The following SHROOM4 variants were observed in gnomAD, a reference collection of about 807,000 sequenced individuals.
SHROOM4 encodes shroom family member 4.
SHROOM4 carries 17 observed loss-of-function variants against 80.3 expected under a neutral mutation model. That is an observed-to-expected ratio of 0.21 (90% CI 0.14 to 0.32). The LOEUF (loss-of-function observed/expected upper bound fraction) is 0.32. SHROOM4 is among the 10% of genes least tolerant of loss of function. The pLI is 1.00. For synonymous variants in SHROOM4, 400 were observed against 437.5 expected, an observed-to-expected ratio of 0.91 and a Z score of 1.07; for missense variants, 993 against 1,140.3, an observed-to-expected ratio of 0.87 and a Z score of 1.86.
intron 1 of SHROOM4, among the ~76,000 whole-genome samples, chrX:50,813,182 G>A (rs1226337138): frequency 2.7e-5 from 3 of 109,833 alleles, no homozygotes; most frequent in African/African-American, 9.9e-5. Flanking sequence ...CGGCGGCGGC[G>A]GCGGCAGCGG....
At chrX:50,750,508 C>T (rs782286085) in intron 1 of SHROOM4, among the ~76,000 whole-genome samples, 3 of 112,035 alleles carry the variant, frequency 2.7e-5, no homozygotes, top group South Asian at 3.7e-4. Flanking sequence ...GTGATCCACT[C>T]GCCTCGGCCT....
At chrX:50,681,002 A>G (rs1465663616) in intron 2 of SHROOM4, among the ~76,000 whole-genome samples, 2 of 111,026 alleles carry the variant, frequency 1.8e-5, no homozygotes, top group Non-Finnish European at 3.8e-5. Flanking sequence ...GTCCTTGCCT[A>G]CCCATTCCCT....
chrX:50,577,080 T>C, the SHROOM4 span, among the ~76,000 whole-genome samples: 1 of 112,491 alleles, frequency 8.9e-6, no homozygotes, highest in African/African-American at 3.2e-5. Flanking sequence ...ATTTTTTTCA[T>C]GCTTCAAGAA....
chrX:50,723,273 C>G, intron 1 of SHROOM4, among the ~76,000 whole-genome samples: 2 of 87,966 alleles, frequency 2.3e-5, no homozygotes, highest in Middle Eastern at 0.011. Context: ...TACACATGAG[C>G]AGGTTTCTCA....
At chrX:50,615,234 A>T (rs1557250603) in intron 5 of SHROOM4, among the ~76,000 whole-genome samples, 2 of 111,411 alleles carry the variant, frequency 1.8e-5, no homozygotes, top group Non-Finnish European at 3.8e-5. Context: ...TGAAGCCTAC[A>T]TTATTCATAA....
intron 1 of SHROOM4, among the ~76,000 whole-genome samples, chrX:50,763,966 G>A (rs936835003): frequency 2.7e-5 from 3 of 111,383 alleles, no homozygotes; most frequent in Non-Finnish European, 5.6e-5. Flanking sequence ...CATTTAATTC[G>A]TTGCTTCTAG....
intron 1 of SHROOM4, among the ~76,000 whole-genome samples, chrX:50,702,489 G>A (rs6521871): frequency 0.043 from 4,830 of 111,318 alleles, 279 homozygotes; most frequent in African/African-American, 0.15. Context: ...TCAAAAAAAA[G>A]CAATATATGT....
At chrX:50,709,976 A>G (rs1443709496) in intron 1 of SHROOM4, among the ~76,000 whole-genome samples, 1 of 112,004 alleles carries the variant, frequency 8.9e-6, no homozygotes, top group Non-Finnish European at 1.9e-5. Context: ...AAATCTCTGA[A>G]TTAGAAGTCC....
chrX:50,674,689 A>G lies in SHROOM4; in HGVS notation c.269+21097T>C, dbSNP rs189141059. On this transcript the variant is annotated intron_variant, in intron 2 of 8. Transcript: ENST00000376020. ...CTAGGACATTGAAAATAGTTTTTAGACTTGACACCAAAAGTATATATTAAT... is the reference window on the plus strand; with the variant it reads ...CTAGGACATTGAAAATAGTTTTTAGGCTTGACACCAAAAGTATATATTAAT... Among the ~76,000 whole-genome samples, 55 of 111,810 alleles carry G rather than the reference A, an allele frequency of 4.9e-4. 1 individual carries two copies. The Admixed American group carries it at 5.2e-3, about 11-fold the overall frequency.
At chrX:50,661,726 A>C (rs1932518713) in intron 2 of SHROOM4, among the ~76,000 whole-genome samples, 1 of 111,534 alleles carries the variant, frequency 9.0e-6, no homozygotes, top group African/African-American at 3.3e-5. Context: ...TTTTATTCAG[A>C]CCTTTCCTGA....
At chrX:50,762,222 C>A (rs995166093) in intron 1 of SHROOM4, among the ~76,000 whole-genome samples, 7 of 111,886 alleles carry the variant, frequency 6.3e-5, no homozygotes, top group Non-Finnish European at 1.1e-4. Flanking sequence ...TGTTGAGCTT[C>A]TTATTTATGA....
rs150650313 is a variant in SHROOM4, at chrX:50,592,585, C to T, written c.*4110G>A. 0.032 allele frequency: 3,909 copies of T among 123,785 alleles called. 158 individuals carry two copies. The highest frequency in any genetic ancestry group is 0.11 in the African/African-American group (3,480 of 30,609). 10.2% of individuals were successfully genotyped at this position (123,785 alleles called of 1,213,427 possible). On this transcript the variant is annotated 3_prime_UTR_variant, in exon 9 of 9. Transcript: ENST00000376020. ...TGGAATGTGAACAGAATATGGATCA[C>T]GAAAAAAGAAAGCTTTTCAATGTCA...
chrX:50,594,757 GTA>G lies in SHROOM4; in HGVS notation c.*1936_*1937del, dbSNP rs1929025062. ...ACCTTCTCAATCTTGGCTGGCTTGT[GTA>G]AGCCTAGCCCCTGCAAGCCACCAGC... On this transcript the variant is annotated 3_prime_UTR_variant, in exon 9 of 9. Coordinates refer to ENST00000376020, the MANE Select transcript of SHROOM4 (RefSeq NM_020717.5). 9.0e-6 allele frequency: 1 copy of G among 111,672 alleles called. No homozygotes were observed. Among genetic ancestry groups the G allele is most frequent in the Non-Finnish European group, 1.9e-5 (1 of 53,137 alleles). The allele number at this position is 111,672 out of a possible 1,213,427, so 9.2% of individuals were successfully genotyped here.
chrX:50,597,702 C>T (rs1274866797), intron 8 of SHROOM4, among the ~76,000 whole-genome samples: 1 of 111,950 alleles, frequency 8.9e-6, no homozygotes, highest in African/African-American at 3.2e-5. Flanking sequence ...GTAGTATGCT[C>T]ACCTCATTTT....
chrX:50,631,042 A>G (rs1931036586), intron 4 of SHROOM4, among the ~76,000 whole-genome samples: 1 of 98,194 alleles, frequency 1.0e-5, no homozygotes, highest in African/African-American at 3.7e-5. Context: ...TTTTAAGGCT[A>G]GCATTACCTT....
intron 1 of SHROOM4, among the ~76,000 whole-genome samples, chrX:50,802,130 T>G (rs904574278): frequency 8.9e-6 from 1 of 111,805 alleles, no homozygotes; most frequent in Non-Finnish European, 1.9e-5. Context: ...TGACAAAGCA[T>G]CCCACAGATT....
At position 50,587,511 on chromosome X, in the gene SHROOM4, T is replaced by C. The variant is rs1928781879; in HGVS notation, c.*9184A>G. ...TTAGTTACTGCAGTAGCAAAGAGAT[T>C]CATGAGTTTAGCCTATTGCACATAG... On this transcript the variant is annotated 3_prime_UTR_variant, in exon 9 of 9. Coordinates refer to ENST00000376020, the MANE Select transcript of SHROOM4 (RefSeq NM_020717.5). Among the ~76,000 whole-genome samples, 1 of 112,289 alleles carries C rather than the reference T, an allele frequency of 8.9e-6. No homozygotes were observed. Among genetic ancestry groups the C allele is most frequent in the Non-Finnish European group, 1.9e-5 (1 of 53,210 alleles).
intron 1 of SHROOM4, among the ~76,000 whole-genome samples, chrX:50,699,393 G>A (rs1220120089): frequency 8.9e-6 from 1 of 111,825 alleles, no homozygotes; most frequent in Non-Finnish European, 1.9e-5. Flanking sequence ...ATCTCCTGGG[G>A]CTCTGACAGC....
At chrX:50,710,558 T>A (rs1175876169) in intron 1 of SHROOM4, among the ~76,000 whole-genome samples, 2 of 110,906 alleles carry the variant, frequency 1.8e-5, no homozygotes, top group Admixed American at 9.6e-5. Flanking sequence ...AACTATTGGG[T>A]ACTATGCTTA....
Sources: gnomAD v4.1 joint callset for allele counts (sites outside exome capture counted in the v4.1 genomes callset) on GRCh38, gnomAD v4.1.1 for gene constraint, MANE v1.5 for transcripts, NCBI Gene and HGNC (gene_info 2026-07-23, HGNC 2026-07-21) for gene names.